TTN: variants seen among roughly 807,000 people sequenced by gnomAD.
The protein encoded by TTN is connectin.
A neutral mutation model predicts 3,223.0 loss-of-function variants in TTN; 1,525 were observed. The observed-to-expected ratio is 0.47, with a 90% CI of 0.45 to 0.49. The LOEUF (loss-of-function observed/expected upper bound fraction) is 0.49. Among genes scored for constraint, TTN ranks in the 20% least tolerant of loss-of-function variants. TTN has a pLI of 0.00. For synonymous variants in TTN, 14,094 were observed against 15,161.0 expected, an observed-to-expected ratio of 0.93 and a Z score of 5.17; for missense variants, 40,786 against 43,424.0, an observed-to-expected ratio of 0.94 and a Z score of 5.40.
Position 178,636,062 on chromosome 2 carries a change from G to A in TTN, c.41509C>T (p.Leu13837=), listed in dbSNP as rs372558001. Residue 13837 remains leucine (L), a synonymous_variant, in exon 226 of 363, where the codon CTG becomes TTG. Transcript: ENST00000589042. The surrounding 1 kb of genome is among the most constrained non-coding windows in gnomAD (Gnocchi z 4.3). ...VPGVIGLMRA[L]TINDADDTDA... Reference sequence around the variant, plus strand: ...GTGTCATCTGCATCGTTGATGGTCAGAGCCCGCATCAAGCCAATGACGCCT... The same window carrying A: ...GTGTCATCTGCATCGTTGATGGTCAAAGCCCGCATCAAGCCAATGACGCCT... 1.2e-6 allele frequency: 2 copies of A among 1,613,274 alleles called. No individual in the cohort carries two copies. The highest frequency in any genetic ancestry group is 2.7e-5 in the African/African-American group (2 of 74,978).
Position 178,591,816 on chromosome 2 carries a change from C to T in TTN, c.60003G>A (p.Pro20001=), listed in dbSNP as rs753118050. 2.7e-5 allele frequency: 43 copies of T among 1,613,068 alleles called. No individual in the cohort carries two copies. The highest frequency in any genetic ancestry group is 8.3e-5 in the Admixed American group (5 of 59,910). Reference sequence around the variant, plus strand: ...TGATTGGAGAACCACCATCACGATCCGGCTTATTCCAGACTAGGGAGACTT... The same window carrying T: ...TGATTGGAGAACCACCATCACGATCTGGCTTATTCCAGACTAGGGAGACTT... The part of the protein sequence containing the change: ...KTEVSLVWNK[P]DRDGGSPITG... The change falls in exon 303 of 363, where the codon CCG becomes CCA. Residue 20001 remains proline (P), a synonymous_variant. Coordinates refer to ENST00000589042, the MANE Select transcript of TTN (RefSeq NM_001267550.2).
At chr2:178,707,157 AATC>A (rs1187267680) in intron 100 of TTN, among the ~76,000 whole-genome samples, 4 of 152,302 alleles carry the variant, frequency 2.6e-5, no homozygotes, top group African/African-American at 9.6e-5. Context: ...GTTGAACTAT[AATC>A]ATATTAGTAG....
chr2:178,599,875 A>G (rs765496913), intron 288 of TTN, 25 bp from the exon 289 acceptor site: 1 of 1,529,288 alleles, frequency 6.5e-7, no homozygotes, highest in Non-Finnish European at 8.7e-7. Context: ...AAAAGTTGTC[A>G]TTAGGAGCAA....
In TTN at chr2:178,740,278, C is replaced by T. The variant is rs150137596; in HGVS notation, c.12955G>A (p.Ala4319Thr). ...GACTTGCCTTCCTCAATTCTGACCGCAGAATCTTGCCCTGCATTTTCCAGT... is the reference window on the plus strand; with the variant it reads ...GACTTGCCTTCCTCAATTCTGACCGTAGAATCTTGCCCTGCATTTTCCAGT... ...NPLENAGQDS[A>T]VRIEEGKSLR... Residue 4319 changes from alanine (A) to threonine (T), a missense_variant, in exon 48 of 363, where the codon GCG (alanine) becomes ACG (threonine). Ala to Thr is a moderately conservative substitution (Grantham distance 58). Coordinates refer to ENST00000589042, the MANE Select transcript of TTN (RefSeq NM_001267550.2). The T allele has an allele frequency of 2.3e-4, 365 of 1,613,672 alleles. 2 individuals are homozygous for T. In the East Asian group the frequency reaches 8.0e-3, roughly 36 times the overall value.
chr2:178,729,044 G>C lies in TTN; in HGVS notation c.18994C>G (p.Leu6332Val), dbSNP rs1441559155. 1 of 1,612,814 alleles carries C rather than the reference G, an allele frequency of 6.2e-7. No individual in the cohort carries two copies. Among genetic ancestry groups the C allele is most frequent in the South Asian group, 1.1e-5 (1 of 90,980 alleles). The change falls in exon 65 of 363, where the codon CTT (leucine) becomes GTT (valine). Residue 6332 changes from leucine (L) to valine (V), a missense_variant. Transcript: ENST00000589042. ...SITWLKDDQI[L>V]DEDDNVYISF... ...ATATAGACATTATCATCTTCATCAA[G>C]AATCTGATCATCCTTTAGCCAGGTT... is the stretch of plus-strand genomic sequence containing the variant.
At chr2:178,748,340 A>G (rs1364848656) in intron 47 of TTN, 1 of 1,613,050 alleles carries the variant, frequency 6.2e-7, no homozygotes. Flanking sequence ...TTTCTCCACC[A>G]TAGTTCTATT....
rs777542393 is a variant in TTN, at chr2:178,532,413, T to G, written c.104202A>C (p.Pro34734=). 1 of 1,613,868 alleles carries G rather than the reference T, an allele frequency of 6.2e-7. No homozygotes were observed. Among genetic ancestry groups the G allele is most frequent in the African/African-American group, 1.3e-5 (1 of 74,926 alleles). ...KDFRYSTYHI[P]TKAEASTSYA... ...AACTTGTACTAGCTTCAGCCTTCGT[T>G]GGGATGTGATAGGTTGAATACCTGA... Residue 34734 remains proline (P), a synonymous_variant, in exon 358 of 363, where the codon CCA becomes CCC. Coordinates refer to ENST00000589042, the MANE Select transcript of TTN (RefSeq NM_001267550.2).
At position 178,572,536 on chromosome 2, in the gene TTN, A is replaced by G; in HGVS notation, c.73596T>C (p.Thr24532=). The part of the protein sequence containing the change: ...PPQDLKVKEV[T]KTSVTLTWDP... ...CCCATGTGAGTGTGACAGATGTCTTAGTGACCTCTTTTACCTTCAGATCCT... is the reference window on the plus strand; with the variant it reads ...CCCATGTGAGTGTGACAGATGTCTTGGTGACCTCTTTTACCTTCAGATCCT... The change falls in exon 326 of 363, where the codon ACT becomes ACC. Residue 24532 remains threonine, a synonymous_variant. Coordinates refer to ENST00000589042, the MANE Select transcript of TTN (RefSeq NM_001267550.2). 1 of 1,613,444 alleles carries G rather than the reference A, an allele frequency of 6.2e-7. No homozygotes were observed. Among genetic ancestry groups the G allele is most frequent in the Non-Finnish European group, 8.5e-7 (1 of 1,179,600 alleles).
chr2:178,550,374 A>G, intron 336 of TTN, 101 bp from the exon 337 acceptor site: 1 of 976,426 alleles, frequency 1.0e-6, no homozygotes, highest in East Asian at 2.6e-5. Context: ...CAGGAAGAGT[A>G]GTGACTTCTA....
At chr2:178,651,636 T>C in intron 206 of TTN, 30 bp downstream of exon 206, 1 of 1,612,642 alleles carries the variant, frequency 6.2e-7, no homozygotes, top group Non-Finnish European at 8.5e-7. Flanking sequence ...GAAAGTTTTT[T>C]GTTAGGGAGT....
chr2:178,771,429 T>G lies in TTN; in HGVS notation c.7898A>C (p.Glu2633Ala). Residue 2633 changes from glutamate to alanine, a missense_variant, in exon 34 of 363, where the codon GAA (glutamate) becomes GCA (alanine). Transcript: ENST00000589042. ...ACATTCAAACACAGCTTCCTGGGAT[T>G]CAGCTACGGTCTGATCTGTGAGTGG... Reference protein sequence around the residue: ...SKPLTDQTVAESQEAVFECEV... With the variant: ...SKPLTDQTVAASQEAVFECEV... 6.2e-7 allele frequency: 1 copy of G among 1,613,948 alleles called. No homozygotes were observed. Among genetic ancestry groups the G allele is most frequent in the Non-Finnish European group, 8.5e-7 (1 of 1,179,858 alleles).
At position 178,539,160 on chromosome 2, in the gene TTN, AC is replaced by A. The variant is rs2154139656; in HGVS notation, c.98774del (p.Gly32925ValfsTer56). 1 of 1,613,768 alleles carries A rather than the reference AC, an allele frequency of 6.2e-7. No individual in the cohort carries two copies. Among genetic ancestry groups the A allele is most frequent in the Non-Finnish European group, 8.5e-7 (1 of 1,179,752 alleles). ...SLSWSRPKDD[G>X]GSRVTGYYIE... ...TGTAGTAGCCTGTGACTCTAGAACC[AC>A]CATCATCTTTGGGCCGGGACCAGGA... is the stretch of plus-strand genomic sequence containing the variant. On this transcript the variant is annotated frameshift_variant, in exon 353 of 363. Transcript: ENST00000589042. LOFTEE classifies it high-confidence loss of function.
chr2:178,540,279 T>A lies in TTN; in HGVS notation c.97887A>T (p.Gly32629=), dbSNP rs755894229. The change falls in exon 351 of 363, where the codon GGA becomes GGT. Residue 32629 remains glycine, a synonymous_variant. Coordinates refer to ENST00000589042, the MANE Select transcript of TTN (RefSeq NM_001267550.2). ...LAWSVPEDEG[G]SKVTGYLIEM... Reference sequence around the variant, plus strand: ...CAATCAAGTAGCCTGTGACTTTAGATCCTCCTTCATCTTCTGGAACACTCC... The same window carrying A: ...CAATCAAGTAGCCTGTGACTTTAGAACCTCCTTCATCTTCTGGAACACTCC... 6.2e-7 allele frequency: 1 copy of A among 1,613,850 alleles called. No homozygotes were observed. The highest frequency in any genetic ancestry group is 1.7e-5 in the Admixed American group (1 of 60,012).
intron 219 of TTN, among the ~76,000 whole-genome samples, chr2:178,641,731 G>A (rs1030025650): frequency 6.6e-6 from 1 of 151,716 alleles, no homozygotes; most frequent in Non-Finnish European, 1.5e-5. Flanking sequence ...TCTATGTGAA[G>A]ACAATGTTAG....
intron 47 of TTN, 56 bp from the exon 48 acceptor site, chr2:178,741,977 T>C (rs1394471930): frequency 1.2e-5 from 15 of 1,252,340 alleles, no homozygotes; most frequent in Non-Finnish European, 1.0e-6. Context: ...AATATAAAAA[T>C]AGAAATCAAA....
Position 178,577,705 on chromosome 2 carries a change from A to G in TTN, c.68721T>C (p.Val22907=). The G allele has an allele frequency of 6.2e-7, 1 of 1,613,372 alleles. No homozygotes were observed. The highest frequency in any genetic ancestry group is 8.5e-7 in the Non-Finnish European group (1 of 1,179,588). The change falls in exon 323 of 363, where the codon GTT becomes GTC. Residue 22907 remains valine (V), a synonymous_variant. Coordinates refer to ENST00000589042, the MANE Select transcript of TTN (RefSeq NM_001267550.2). ...PECAFTVTDL[V]EGGKYEFRIR... is the part of the protein sequence containing the mutation. ...TTCTGAATTCATATTTTCCACCCTC[A>G]ACAAGGTCAGTTACAGTAAAGGCAC...
At chr2:178,643,407 A>G (rs967218229) in intron 218 of TTN, among the ~76,000 whole-genome samples, 1 of 152,050 alleles carries the variant, frequency 6.6e-6, no homozygotes, top group Middle Eastern at 3.4e-3. Context: ...AAAGTTAAAC[A>G]TTACGTATTT....
chr2:178,734,371 A>G lies in TTN; in HGVS notation c.15453T>C (p.Asn5151=), dbSNP rs201343844. 87 of 1,609,048 alleles carry G rather than the reference A, an allele frequency of 5.4e-5. No individual in the cohort carries two copies. The highest frequency in any genetic ancestry group is 6.5e-5 in the Non-Finnish European group (77 of 1,176,662). The part of the protein sequence containing the change: ...DVGEYECVVA[N]EVGKCGCMAT... ...CCATGCAGCCACACTTGCCGACTTC[A>G]TTAGCAACAACACATTCATATTCAC... is the stretch of plus-strand genomic sequence containing the variant. The change falls in exon 52 of 363, where the codon AAT becomes AAC. Residue 5151 remains asparagine, a synonymous_variant. Transcript: ENST00000589042.
rs534822724 is a variant in TTN, at chr2:178,724,550, C to T, written c.20837-12G>A. Reference sequence around the variant, plus strand: ...AATGACTGCGGGCTCTGAAATAAAACGTGATATCCATCTGTCAAAGTCTGG... The same window carrying T: ...AATGACTGCGGGCTCTGAAATAAAATGTGATATCCATCTGTCAAAGTCTGG... On this transcript the variant is annotated splice_polypyrimidine_tract_variant and intron_variant, in intron 71 of 362. Transcript: ENST00000589042. 72 of 1,566,382 alleles carry T rather than the reference C, an allele frequency of 4.6e-5. No individual in the cohort carries two copies. Among genetic ancestry groups the T allele is most frequent in the Admixed American group, 2.0e-4 (11 of 54,468 alleles).
Sources: allele counts gnomAD v4.1 joint callset (sites outside exome capture counted in the v4.1 genomes callset), GRCh38; gene constraint gnomAD v4.1.1; non-coding constraint Gnocchi (gnomAD v3.1); transcripts MANE v1.5; gene names NCBI Gene and HGNC (gene_info 2026-07-23, HGNC 2026-07-21).